The following CFAP57 variants were observed in gnomAD, a reference collection of about 807,000 sequenced individuals.
CFAP57 encodes cilia and flagella associated protein 57.
CFAP57 carries 116 observed loss-of-function variants against 146.8 expected under a neutral mutation model. The ratio of observed to expected loss-of-function variants is 0.79; its 90% CI spans 0.68 to 0.92. The LOEUF is 0.92. Ranked by LOEUF, CFAP57 falls within the 40% of genes least tolerant of loss-of-function variation. CFAP57 has a pLI of 0.00. For missense variants in CFAP57, 1,377 were observed against 1,527.2 expected (o/e 0.90, Z 1.64); for synonymous variants, 518 against 552.8 (o/e 0.94, Z 0.88).
chr1:43,198,382 G>C (rs1301759757), intron 7 of CFAP57, 99 bp from the exon 8 acceptor site: 1 of 1,338,056 alleles, frequency 7.5e-7, no homozygotes, highest in Non-Finnish European at 1.0e-6. Flanking sequence ...ACAGTAGTGT[G>C]TCTCAAATAC....
chr1:43,232,549 A>G lies in CFAP57; in HGVS notation c.3051A>G (p.Gln1017=), dbSNP rs746899568. The change falls in exon 19 of 23, where the codon CAA becomes CAG. Residue 1017 remains glutamine, a synonymous_variant. Coordinates refer to ENST00000372492, the MANE Select transcript of CFAP57 (RefSeq NM_001378189.1). Reference sequence around the variant, plus strand: ...AGAATTTCCATAAGCAGAACACTCAACTGGAGCTGAACATCACAGAATTGT... The same window carrying G: ...AGAATTTCCATAAGCAGAACACTCAGCTGGAGCTGAACATCACAGAATTGT... The part of the protein sequence containing the change: ...ELENFHKQNT[Q]LELNITELWQ... 5.2e-6 allele frequency: 8 copies of G among 1,550,298 alleles called. No homozygotes were observed. Among genetic ancestry groups the G allele is most frequent in the South Asian group, 4.8e-5 (4 of 84,048 alleles).
At chr1:43,231,027 T>G (rs1645445912) in intron 18 of CFAP57, among the ~76,000 whole-genome samples, 1 of 152,222 alleles carries the variant, frequency 6.6e-6, no homozygotes, top group Non-Finnish European at 1.5e-5. Flanking sequence ...ATCTTGTCAT[T>G]CCTCTTCCAG....
chr1:43,187,508 T>G (rs906032869), intron 6 of CFAP57, among the ~76,000 whole-genome samples: 1 of 151,978 alleles, frequency 6.6e-6, no homozygotes. Flanking sequence ...ACATACAAAT[T>G]GCCTATTCAA....
intron 12 of CFAP57, among the ~76,000 whole-genome samples, chr1:43,216,680 A>C (rs1644846199): frequency 6.6e-6 from 1 of 151,946 alleles, no homozygotes; most frequent in Non-Finnish European, 1.5e-5. Flanking sequence ...GTTCCCTGAA[A>C]ACCTTTCTGA....
intron 18 of CFAP57, chr1:43,231,940 G>C (rs192023607): frequency 3.9e-6 from 2 of 515,316 alleles, no homozygotes; most frequent in Admixed American, 3.4e-5. Context: ...ACACTTCTCA[G>C]TTGTACTTTT....
chr1:43,242,026 G>A (rs535179584), intron 21 of CFAP57, among the ~76,000 whole-genome samples: 4 of 152,250 alleles, frequency 2.6e-5, no homozygotes, highest in East Asian at 1.9e-4. Context: ...AGCAAGCTTC[G>A]TCCTCACTCC....
intron 22 of CFAP57, among the ~76,000 whole-genome samples, chr1:43,253,698 G>A (rs958269247): frequency 1.3e-5 from 2 of 152,132 alleles, no homozygotes; most frequent in South Asian, 4.2e-4. Context: ...AGCCTCCATG[G>A]GTGGGGGCCT....
intron 14 of CFAP57, 120 bp downstream of exon 14, chr1:43,221,585 G>A (rs1645045096): frequency 3.4e-6 from 2 of 587,022 alleles, no homozygotes; most frequent in East Asian, 3.2e-5. Context: ...TCTAAAAACA[G>A]GCTACATGTA....
rs200150216 is a variant in CFAP57, at chr1:43,185,167, A to G, written c.780A>G (p.Pro260=). Residue 260 remains proline, a synonymous_variant, in exon 5 of 23, where the codon CCA becomes CCG. Transcript: ENST00000372492. ...QESESLIEFP[P]VSSPLPSYEQ... Reference sequence around the variant, plus strand: ...TTTCCAGCCTGATTGAATTTCCACCAGTCAGTTCTCCACTCCCTTCCTATG... The same window carrying G: ...TTTCCAGCCTGATTGAATTTCCACCGGTCAGTTCTCCACTCCCTTCCTATG... The G allele has an allele frequency of 8.7e-6, 14 of 1,614,002 alleles. No individual in the cohort carries two copies. The Admixed American group carries it at 1.2e-4, about 13-fold the overall frequency.
At chr1:43,214,891 C>T (rs552158583) in intron 11 of CFAP57, among the ~76,000 whole-genome samples, 2 of 152,260 alleles carry the variant, frequency 1.3e-5, no homozygotes, top group East Asian at 3.9e-4. Flanking sequence ...CGGAGTATCT[C>T]TTCATGTGCT....
At chr1:43,217,502 G>T (rs1184344826) in intron 12 of CFAP57, among the ~76,000 whole-genome samples, 1 of 152,104 alleles carries the variant, frequency 6.6e-6, no homozygotes, top group Non-Finnish European at 1.5e-5. Flanking sequence ...TGGGGATAAA[G>T]CAGAGAAGCA....
intron 21 of CFAP57, among the ~76,000 whole-genome samples, chr1:43,242,709 G>C (rs1371134167): frequency 6.6e-6 from 1 of 152,190 alleles, no homozygotes. Flanking sequence ...TCTGGAGCCA[G>C]ACTGTTGGGG....
At chr1:43,223,951 G>T (rs1645145650) in intron 16 of CFAP57, 95 bp from the exon 17 acceptor site, 2 of 1,397,590 alleles carry the variant, frequency 1.4e-6, no homozygotes, top group African/African-American at 1.4e-5. Flanking sequence ...ACAGAAGGTG[G>T]CCAGTGGTGG....
intron 7 of CFAP57, among the ~76,000 whole-genome samples, 176 bp from the exon 8 acceptor site, chr1:43,198,305 A>G (rs972688071): frequency 6.6e-6 from 1 of 152,218 alleles, no homozygotes; most frequent in Non-Finnish European, 1.5e-5. Flanking sequence ...CCTATCTACC[A>G]TGCTCCACGC....
At chr1:43,177,079 AG>A in intron 2 of CFAP57, 5 of 454,720 alleles carry the variant, frequency 1.1e-5, no homozygotes, top group Non-Finnish European at 2.2e-5. Flanking sequence ...GAAGCCATAA[AG>A]GGGTGCGTTC....
intron 12 of CFAP57, among the ~76,000 whole-genome samples, chr1:43,215,908 A>T (rs892841628): frequency 6.6e-6 from 1 of 152,226 alleles, no homozygotes; most frequent in African/African-American, 2.4e-5. Context: ...TGTGCTAATA[A>T]TTAATAGGAC....
chr1:43,172,678 CG>C, intron 1 of CFAP57, 56 bp from the exon 2 acceptor site: 1 of 1,438,196 alleles, frequency 7.0e-7, no homozygotes, highest in Non-Finnish European at 9.2e-7. Context: ...GGGCCGGGGG[CG>C]GGGTCGGAGC....
At chr1:43,190,608 A>AG (rs1419701891) in intron 6 of CFAP57, among the ~76,000 whole-genome samples, 1 of 151,990 alleles carries the variant, frequency 6.6e-6, no homozygotes, top group East Asian at 1.9e-4. Flanking sequence ...TGCTGTCTGT[A>AG]GGTTTTTTTG....
intron 4 of CFAP57, 147 bp downstream of exon 4, chr1:43,184,024 T>G: frequency 1.1e-6 from 1 of 938,212 alleles, no homozygotes; most frequent in Non-Finnish European, 1.6e-6. Flanking sequence ...AGTTTTCGTC[T>G]ATATTTAAGC....
Sources: allele counts gnomAD v4.1 joint callset (sites outside exome capture counted in the v4.1 genomes callset), GRCh38; gene constraint gnomAD v4.1.1; transcripts MANE v1.5; gene names NCBI Gene and HGNC (gene_info 2026-07-23, HGNC 2026-07-21).